Variants in WIPF1 observed in about 807,000 individuals in gnomAD.
WIPF1 encodes the protein WAS/WASL interacting protein family member 1, also known as WAS/WASL-interacting protein family member 1.
In WIPF1, 13 loss-of-function variants were observed where a neutral mutation model predicts 35.4. The ratio of observed to expected loss-of-function variants is 0.37; its 90% CI spans 0.24 to 0.58. The LOEUF (loss-of-function observed/expected upper bound fraction) is 0.58, where lower values mean the gene tolerates loss of function less well. Among genes scored for constraint, WIPF1 ranks in the 20% least tolerant of loss-of-function variants. The probability of loss-of-function intolerance (pLI) is 0.74; values close to 1 mark genes in which losing one functional copy is unlikely to be tolerated. For missense variants in WIPF1, 591 were observed against 667.0 expected (o/e 0.89, Z 1.25); for synonymous variants, 267 against 266.3 (o/e 1.00, Z -0.02).
intron 1 of WIPF1, among the ~76,000 whole-genome samples, chr2:174,633,988 CTT>C (rs1209051093): frequency 1.3e-5 from 2 of 152,098 alleles, no homozygotes; most frequent in Non-Finnish European, 2.9e-5. Context: ...AAAAAGGAAA[CTT>C]AAGAATTTAT....
chr2:174,561,046 T>C lies in WIPF1; in HGVS notation c.*1501A>G, dbSNP rs1684472532. The stretch of plus-strand genomic sequence containing the variant: ...CATGTAAAATATCTAAGTGGAAATA[T>C]TTTTTCCCAACTCTATAGCTAGATT... On this transcript the variant is annotated 3_prime_UTR_variant, in exon 8 of 8. Coordinates refer to ENST00000679041, the MANE Select transcript of WIPF1 (RefSeq NM_001375834.1). 6.6e-6 allele frequency: 1 copy of C among 152,578 alleles called. No homozygotes were observed. The highest frequency in any genetic ancestry group is 1.5e-5 in the Non-Finnish European group (1 of 68,030). 9.5% of individuals were successfully genotyped at this position (152,578 alleles called of 1,614,324 possible). A position where few individuals can be genotyped will look rare whatever the true frequency, so the allele number is the denominator to read the frequency against.
intron 1 of WIPF1, among the ~76,000 whole-genome samples, chr2:174,606,802 A>C: frequency 6.6e-6 from 1 of 152,222 alleles, no homozygotes; most frequent in East Asian, 1.9e-4. Context: ...ATACTGCAGT[A>C]AAGAAGTTTT....
At chr2:174,603,056 G>A (rs886643251) in intron 1 of WIPF1, among the ~76,000 whole-genome samples, 1 of 152,154 alleles carries the variant, frequency 6.6e-6, no homozygotes, top group Non-Finnish European at 1.5e-5. Flanking sequence ...AGGCTGAGGC[G>A]AGCTCTATCC....
In WIPF1 at chr2:174,572,072, G is replaced by A; in HGVS notation, c.733C>T (p.Pro245Ser). ...GGCAGGGGAGGCCGGTTGGAGAAGG[G>A]CGAGGAGGAGCTCAAGGGGGACTGA... ...IRQSPLSSSSPFSNRPPLPPT... is the reference protein window; with the variant it reads ...IRQSPLSSSSSFSNRPPLPPT... The change falls in exon 5 of 8, where the codon CCC becomes TCC. Residue 245 changes from proline to serine, a missense_variant. Pro to Ser is a moderately conservative substitution (Grantham distance 74). Around this residue, in one of 3 missense-constraint regions of WIPF1, gnomAD observed 471 missense variants for 501.1 expected, o/e 0.94. Coordinates refer to ENST00000679041, the MANE Select transcript of WIPF1 (RefSeq NM_001375834.1). 1.3e-6 allele frequency: 2 copies of A among 1,564,744 alleles called. No homozygotes were observed. The highest frequency in any genetic ancestry group is 1.7e-6 in the Non-Finnish European group (2 of 1,156,906).
chr2:174,568,075 T>A lies in WIPF1; in HGVS notation c.1130-2A>T. Reference sequence around the variant, plus strand: ...CTGGAGGAGGTGGTGGGAGGGGGCCTGGAGCAAAAAAAGACACTTAGTGCA... The same window carrying A: ...CTGGAGGAGGTGGTGGGAGGGGGCCAGGAGCAAAAAAAGACACTTAGTGCA... On this transcript the variant is annotated splice_acceptor_variant, in intron 5 of 7. Coordinates refer to ENST00000679041, the MANE Select transcript of WIPF1 (RefSeq NM_001375834.1). LOFTEE classifies it high-confidence loss of function. 1 of 1,609,378 alleles carries A rather than the reference T, an allele frequency of 6.2e-7. No homozygotes were observed. Among genetic ancestry groups the A allele is most frequent in the Non-Finnish European group, 8.5e-7 (1 of 1,178,908 alleles).
chr2:174,581,249 AG>A, intron 3 of WIPF1, 60 bp downstream of exon 3: 1 of 1,593,698 alleles, frequency 6.3e-7, no homozygotes, highest in Non-Finnish European at 8.5e-7. Flanking sequence ...TGGTGAGGGT[AG>A]GGTTGATTAT....
chr2:174,574,512 A>G (rs1559148244), intron 4 of WIPF1, among the ~76,000 whole-genome samples: 4 of 152,228 alleles, frequency 2.6e-5, no homozygotes. Flanking sequence ...TTATAACATG[A>G]TCAACATTAC....
At chr2:174,662,103 G>A (rs1338472377) in intron 1 of WIPF1, among the ~76,000 whole-genome samples, 1 of 152,044 alleles carries the variant, frequency 6.6e-6, no homozygotes, top group Non-Finnish European at 1.5e-5. Flanking sequence ...AAAATCCTTG[G>A]GTGTTCAAGT....
chr2:174,621,553 T>A (rs1374438472), intron 1 of WIPF1, among the ~76,000 whole-genome samples: 1 of 151,932 alleles, frequency 6.6e-6, no homozygotes, highest in East Asian at 1.9e-4. Flanking sequence ...TGTATATAGG[T>A]AGAACAGCAC....
rs568630241 is a variant in WIPF1, at chr2:174,623,829, G to A, written c.-38-38218C>T. On this transcript the variant is annotated intron_variant, in intron 1 of 8. Coordinates refer to the WIPF1 transcript ENST00000272746. ...AGTCCCTCCTCCTGAATATGCACTGGATTTAATAATTCACTTTTGGTGAAT... is the reference window on the plus strand; with the variant it reads ...AGTCCCTCCTCCTGAATATGCACTGAATTTAATAATTCACTTTTGGTGAAT... Among the ~76,000 whole-genome samples the A allele has an allele frequency of 7.9e-5, 12 of 152,260 alleles. 1 individual carries two copies. Among genetic ancestry groups the A allele is most frequent in the African/African-American group, 2.6e-4 (11 of 41,568 alleles).
intron 1 of WIPF1, among the ~76,000 whole-genome samples, chr2:174,621,049 C>A (rs1686657751): frequency 6.6e-6 from 1 of 152,146 alleles, no homozygotes; most frequent in South Asian, 2.1e-4. Flanking sequence ...CTCATGTAAG[C>A]TGTTTAAGCA....
intron 1 of WIPF1, among the ~76,000 whole-genome samples, chr2:174,679,449 C>G (rs1036192122): frequency 1.4e-5 from 2 of 143,184 alleles, no homozygotes. Flanking sequence ...GCCTGAGCAA[C>G]AGAGTAAAAA....
chr2:174,654,725 T>G (rs928154997), intron 1 of WIPF1, among the ~76,000 whole-genome samples: 5 of 152,100 alleles, frequency 3.3e-5, no homozygotes, highest in Non-Finnish European at 7.4e-5. Flanking sequence ...TATCTTCCGA[T>G]TGCTCCCCAA....
intron 1 of WIPF1, among the ~76,000 whole-genome samples, chr2:174,636,706 T>C (rs933526315): frequency 6.6e-6 from 1 of 152,210 alleles, no homozygotes; most frequent in African/African-American, 2.4e-5. Context: ...CCATAACAGT[T>C]TTGAGAAATA....
intron 2 of WIPF1, among the ~76,000 whole-genome samples, chr2:174,583,644 T>C (rs1685307295): frequency 6.6e-6 from 1 of 152,214 alleles, no homozygotes; most frequent in South Asian, 2.1e-4. Context: ...AGCATTCTGG[T>C]ATAAGATTCA....
chr2:174,677,910 A>C (rs1341558811), intron 1 of WIPF1, among the ~76,000 whole-genome samples: 2 of 152,144 alleles, frequency 1.3e-5, no homozygotes, highest in Non-Finnish European at 1.5e-5. Context: ...TTGGAATCAG[A>C]CTGCTCCACA....
At chr2:174,650,632 A>C (rs1402063998) in intron 1 of WIPF1, among the ~76,000 whole-genome samples, 1 of 152,196 alleles carries the variant, frequency 6.6e-6, no homozygotes, top group Non-Finnish European at 1.5e-5. Context: ...TTTCCTTTTT[A>C]GTATTAAACA....
chr2:174,595,109 A>AAAAAAAAAAAAAAAATATATAT (rs1553529785), intron 1 of WIPF1, among the ~76,000 whole-genome samples: 1 of 57,740 alleles, frequency 1.7e-5, no homozygotes, highest in African/African-American at 9.0e-5. Flanking sequence ...AAAAAAAAAA[A>AAAAAAAAAAAAAAAATATATAT]ATATATATAT....
chr2:174,668,769 AG>A (rs1473352648), intron 1 of WIPF1, among the ~76,000 whole-genome samples: 1 of 152,242 alleles, frequency 6.6e-6, no homozygotes, highest in African/African-American at 2.4e-5. Context: ...TGCAACAAAC[AG>A]AGGGACATGA....
Sources: allele counts gnomAD v4.1 joint callset (sites outside exome capture counted in the v4.1 genomes callset), GRCh38; gene constraint gnomAD v4.1.1; regional missense constraint gnomAD v4.1.1; transcripts MANE v1.5; gene names NCBI Gene and HGNC (gene_info 2026-07-23, HGNC 2026-07-21).